EYS: variants seen among roughly 807,000 people sequenced by gnomAD.
EYS encodes the protein EGF-like photoreceptor maintenance factor, also known as protein eyes shut homolog.
A neutral mutation model predicts 282.1 loss-of-function variants in EYS; 250 were observed. That is an observed-to-expected ratio of 0.89 (90% confidence interval 0.80 to 0.98). The LOEUF is 0.98. EYS is among the 50% of genes least tolerant of loss of function. EYS has a pLI of 0.00. For missense variants in EYS, 4,016 were observed against 3,709.0 expected, an observed-to-expected ratio of 1.08 and a Z score of -2.15; for synonymous variants, 1,355 against 1,282.9, an observed-to-expected ratio of 1.06 and a Z score of -1.20.
At chr6:64,621,880 C>A (rs1767456088) in intron 23 of EYS, among the ~76,000 whole-genome samples, 1 of 152,152 alleles carries the variant, frequency 6.6e-6, no homozygotes, top group African/African-American at 2.4e-5. Flanking sequence ...TGTTCCCTAT[C>A]ACTTTCAATT....
At chr6:65,020,528 A>G (rs1443515311) in intron 13 of EYS, among the ~76,000 whole-genome samples, 5 of 152,072 alleles carry the variant, frequency 3.3e-5, no homozygotes, top group Admixed American at 6.6e-5. Context: ...ACGGCTCTCG[A>G]TCCTAGCTGC....
At chr6:63,857,292 C>T (rs1772419758) in intron 36 of EYS, 1 of 152,700 alleles carries the variant, frequency 6.5e-6, no homozygotes. Flanking sequence ...CAATATAATA[C>T]TCTAACACTT....
Position 64,438,611 on chromosome 6 carries a change from G to A in EYS, c.5835+551C>T, listed in dbSNP as rs375437331. 1.2e-4 allele frequency among the ~76,000 whole-genome samples: 18 copies of A among 151,396 alleles called. No individual in the cohort carries two copies. In the East Asian group the frequency reaches 3.3e-3, roughly 28 times the overall value. On this transcript the variant is annotated intron_variant, in intron 27 of 42. Coordinates refer to ENST00000503581, the MANE Select transcript of EYS (RefSeq NM_001142800.2). ...TATCATTGAGAAATTAAGAAATTGG[G>A]AAACTGGTCAATAAAGAAGTAGAAG...
intron 2 of EYS, among the ~76,000 whole-genome samples, chr6:65,562,134 A>C (rs1769087234): frequency 6.6e-6 from 1 of 151,988 alleles, no homozygotes; most frequent in African/African-American, 2.4e-5. Flanking sequence ...AAATTAGCCT[A>C]CTATCTGACT....
chr6:65,223,524 G>A (rs73441372), intron 12 of EYS, among the ~76,000 whole-genome samples: 4,968 of 152,274 alleles, frequency 0.033, 109 homozygotes, highest in African/African-American at 0.057. Context: ...TGTCTAGCTT[G>A]TGCCAGAGGA....
At chr6:64,636,633 T>C (rs2149867352) in intron 22 of EYS, among the ~76,000 whole-genome samples, 1 of 152,132 alleles carries the variant, frequency 6.6e-6, no homozygotes, top group South Asian at 2.1e-4. Context: ...CAAAAGAAAC[T>C]ACCATCAGAG....
intron 12 of EYS, among the ~76,000 whole-genome samples, chr6:65,230,671 T>C (rs778070305): frequency 5.5e-4 from 84 of 151,816 alleles, no homozygotes; most frequent in Non-Finnish European, 9.9e-4. Flanking sequence ...CCTCCCCTCA[T>C]TTTTCACATA....
At chr6:64,690,069 A>G (rs1770316380) in intron 22 of EYS, among the ~76,000 whole-genome samples, 1 of 151,958 alleles carries the variant, frequency 6.6e-6, no homozygotes, top group South Asian at 2.1e-4. Context: ...AATTTTTGCA[A>G]TCTACTCATC....
chr6:64,611,238 T>A (rs1016898490), intron 24 of EYS, among the ~76,000 whole-genome samples: 51 of 152,286 alleles, frequency 3.3e-4, no homozygotes, highest in African/African-American at 1.2e-3. Context: ...TATTTAGCAT[T>A]CTCATTAGCA....
chr6:64,013,656 A>T (rs1768750841), intron 33 of EYS, among the ~76,000 whole-genome samples: 1 of 151,770 alleles, frequency 6.6e-6, no homozygotes, highest in African/African-American at 2.4e-5. Context: ...ACAAATCACC[A>T]CCCCACCCTT....
chr6:65,661,742 T>A (rs886588445), intron 1 of EYS, among the ~76,000 whole-genome samples: 14 of 152,214 alleles, frequency 9.2e-5, no homozygotes, highest in Admixed American at 7.9e-4. Flanking sequence ...AGTTTTAGAA[T>A]TATATGAGCA....
At position 64,938,141 on chromosome 6, in the gene EYS, G is replaced by C. The variant is rs1263571543; in HGVS notation, c.2381+7652C>G. ...AAGGGGGAAGAAGGAAATGGGGAGA[G>C]GCTATGGTAATGGTATGAGTTCCTT... On this transcript the variant is annotated intron_variant, in intron 15 of 42. Transcript: ENST00000503581. Among the ~76,000 whole-genome samples the C allele has an allele frequency of 2.0e-5, 3 of 151,406 alleles. 1 individual carries two copies. The highest frequency in any genetic ancestry group is 4.4e-5 in the Non-Finnish European group (3 of 67,576).
intron 1 of EYS, among the ~76,000 whole-genome samples, chr6:65,696,259 G>T (rs1769452595): frequency 6.6e-6 from 1 of 151,548 alleles, no homozygotes; most frequent in Non-Finnish European, 1.5e-5. Flanking sequence ...CATACTCCTG[G>T]TTAAAAAAAA....
At chr6:65,237,069 T>A (rs1766945782) in intron 12 of EYS, among the ~76,000 whole-genome samples, 1 of 152,166 alleles carries the variant, frequency 6.6e-6, no homozygotes, top group Non-Finnish European at 1.5e-5. Context: ...TTATATTAAA[T>A]ACAAAATGAA....
intron 1 of EYS, among the ~76,000 whole-genome samples, chr6:65,676,095 G>T (rs1452199383): frequency 6.6e-6 from 1 of 151,648 alleles, no homozygotes; most frequent in Non-Finnish European, 1.5e-5. Context: ...CACTAGGAAA[G>T]AACTTCATCG....
At chr6:65,451,062 A>G (rs1438928376) in intron 5 of EYS, among the ~76,000 whole-genome samples, 1 of 152,030 alleles carries the variant, frequency 6.6e-6, no homozygotes, top group Non-Finnish European at 1.5e-5. Context: ...ATAATTATAA[A>G]CTACTGGTAT....
chr6:64,884,438 A>T (rs758078182), intron 19 of EYS, among the ~76,000 whole-genome samples: 1 of 151,586 alleles, frequency 6.6e-6, no homozygotes, highest in Admixed American at 6.6e-5. Context: ...ATACAAAAGT[A>T]TAACATCCTT....
At chr6:65,573,619 T>C (rs1764555502) in intron 2 of EYS, among the ~76,000 whole-genome samples, 1 of 152,174 alleles carries the variant, frequency 6.6e-6, no homozygotes, top group Non-Finnish European at 1.5e-5. Context: ...TAAGTGCCCA[T>C]GTTTCAGCTC....
intron 14 of EYS, among the ~76,000 whole-genome samples, chr6:64,983,199 TATGGGCAAA>T (rs1201177977): frequency 6.6e-6 from 1 of 151,252 alleles, no homozygotes; most frequent in Non-Finnish European, 1.5e-5. Context: ...AGAGGTCATC[TATGGGCAAA>T]ATGTCAACAG....
Sources: gnomAD v4.1 joint callset for allele counts (sites outside exome capture counted in the v4.1 genomes callset) on GRCh38, gnomAD v4.1.1 for gene constraint, MANE v1.5 for transcripts, NCBI Gene and HGNC (gene_info 2026-07-23, HGNC 2026-07-21) for gene names.